The following KIF1B variants were observed in gnomAD, a reference collection of about 807,000 sequenced individuals.
KIF1B encodes kinesin-like protein KIF1B.
In KIF1B, 76 loss-of-function variants were observed where a neutral mutation model predicts 241.9. The ratio of observed to expected loss-of-function variants is 0.31; its 90% CI spans 0.26 to 0.38. KIF1B has a LOEUF of 0.38. Ranked by LOEUF, KIF1B falls within the 10% of genes least tolerant of loss-of-function variation. The probability of loss-of-function intolerance (pLI) is 1.00; values close to 1 mark genes in which losing one functional copy is unlikely to be tolerated. For synonymous variants in KIF1B, 750 were observed against 796.7 expected (o/e 0.94, Z 0.99); for missense variants, 1,622 against 2,271.4 (o/e 0.71, Z 5.81).
At chr1:10,262,668 T>G (rs1392852826) in intron 5 of KIF1B, among the ~76,000 whole-genome samples, 2 of 152,220 alleles carry the variant, frequency 1.3e-5, no homozygotes, top group Non-Finnish European at 2.9e-5. Flanking sequence ...AATGTAAGTA[T>G]TCTCTTACTT....
intron 38 of KIF1B, among the ~76,000 whole-genome samples, chr1:10,359,134 G>GTGT (rs139728507): frequency 0.029 from 4,390 of 152,304 alleles, 63 homozygotes; most frequent in African/African-American, 0.038. Flanking sequence ...TTTCAGAAAT[G>GTGT]TGTTCTCTCT....
At chr1:10,320,783 A>T (rs191025570) in intron 23 of KIF1B, among the ~76,000 whole-genome samples, 1 of 148,242 alleles carries the variant, frequency 6.7e-6, no homozygotes, top group Non-Finnish European at 1.5e-5. Context: ...CTGGAGTGCA[A>T]TGGTGCAGTC....
At position 10,337,582 on chromosome 1, in the gene KIF1B, A is replaced by G. The variant is rs764687589; in HGVS notation, c.3422+49A>G. ...TCCCAGCTAGCTGCTAACCGAGGTG[A>G]CATCTCTTGTGCACTGTAGAGTGCT... On this transcript the variant is annotated intron_variant, in intron 31 of 48. Transcript: ENST00000676179. This position sits in a 1 kb window ranked among gnomAD's most constrained non-coding sequence, Gnocchi z 4.0. 2.5e-6 allele frequency: 4 copies of G among 1,603,970 alleles called. No individual in the cohort carries two copies. The highest frequency in any genetic ancestry group is 1.1e-5 in the South Asian group (1 of 90,840).
Position 10,379,152 on chromosome 1 carries a change from C to T in KIF1B, c.*2565C>T. On this transcript the variant is annotated 3_prime_UTR_variant, in exon 49 of 49. Coordinates refer to ENST00000676179, the MANE Select transcript of KIF1B (RefSeq NM_001365951.3). ...TTGATGCTGCTGTTACAGAGTGTGA[C>T]AGAGGATCCATGTCTGTGACACAGG... 1 of 232,274 alleles carries T rather than the reference C, an allele frequency of 4.3e-6. No homozygotes were observed. The highest frequency in any genetic ancestry group is 6.1e-5 in the East Asian group (1 of 16,412). The allele number at this position is 232,274 out of a possible 1,614,324, so 14.4% of individuals were successfully genotyped here.
At chr1:10,259,691 C>T (rs746899111) in intron 4 of KIF1B, among the ~76,000 whole-genome samples, 75 of 151,712 alleles carry the variant, frequency 4.9e-4, no homozygotes, top group Admixed American at 1.7e-3. Context: ...TTAGTAGAGG[C>T]GGGGTTTCAC....
At position 10,306,132 on chromosome 1, in the gene KIF1B, T is replaced by C. The variant is rs975233616; in HGVS notation, c.2115+8886T>C. ...CTCTAAGAAAATACTTTCTTAATGCTCAGAAAGTTGCTTCCAATTAATGTT... is the reference window on the plus strand; with the variant it reads ...CTCTAAGAAAATACTTTCTTAATGCCCAGAAAGTTGCTTCCAATTAATGTT... On this transcript the variant is annotated intron_variant, in intron 22 of 48. Transcript: ENST00000676179. The C allele has an allele frequency of 3.8e-6, 4 of 1,040,780 alleles. No homozygotes were observed. In the African/African-American group the frequency reaches 6.7e-5, roughly 17 times the overall value. The allele number at this position is 1,040,780 out of a possible 1,614,324, so 64.5% of individuals were successfully genotyped here. A position where few individuals can be genotyped will look rare whatever the true frequency, so the allele number is the denominator to read the frequency against.
At chr1:10,239,919 C>A (rs1261030405) in intron 2 of KIF1B, among the ~76,000 whole-genome samples, 2 of 152,144 alleles carry the variant, frequency 1.3e-5, no homozygotes, top group Non-Finnish European at 2.9e-5. Context: ...GCACCCGCCA[C>A]CATGCCTGGC....
At chr1:10,349,623 GTT>G (rs78332979) in intron 37 of KIF1B, among the ~76,000 whole-genome samples, 4 of 143,056 alleles carry the variant, frequency 2.8e-5, no homozygotes, top group African/African-American at 5.1e-5. Flanking sequence ...AAATTAGAGG[GTT>G]TTTTTTTTTT....
At chr1:10,299,002 C>G (rs1046819525) in intron 22 of KIF1B, 1 of 146,618 alleles carries the variant, frequency 6.8e-6, no homozygotes. Flanking sequence ...AAAATTGGAA[C>G]GATACAGAGA....
At chr1:10,320,402 G>A (rs1258009098) in intron 23 of KIF1B, among the ~76,000 whole-genome samples, 1 of 152,168 alleles carries the variant, frequency 6.6e-6, no homozygotes, top group Non-Finnish European at 1.5e-5. Flanking sequence ...TTAGGAAGTT[G>A]ACCTGCACTG....
At chr1:10,306,485 C>T (rs1215993872) in intron 22 of KIF1B, 4 of 920,294 alleles carry the variant, frequency 4.3e-6, no homozygotes, top group Non-Finnish European at 5.3e-6. Context: ...GTGGCACATG[C>T]GTACAGCCCC....
chr1:10,242,839 C>G (rs1203838661), intron 2 of KIF1B, among the ~76,000 whole-genome samples: 1 of 152,060 alleles, frequency 6.6e-6, no homozygotes, highest in Non-Finnish European at 1.5e-5. Flanking sequence ...TATGGGACCA[C>G]TCATATATGT....
intron 41 of KIF1B, among the ~76,000 whole-genome samples, chr1:10,363,748 T>C (rs1374834338): frequency 6.6e-6 from 1 of 152,208 alleles, no homozygotes; most frequent in African/African-American, 2.4e-5. Flanking sequence ...TCTGTATTCT[T>C]TTTAATGTGT....
chr1:10,280,383 G>A (rs1249161694), intron 14 of KIF1B, among the ~76,000 whole-genome samples: 2 of 151,926 alleles, frequency 1.3e-5, no homozygotes, highest in African/African-American at 2.4e-5. Flanking sequence ...CTATAGGTGC[G>A]CACCACCACG....
In KIF1B at chr1:10,292,136, C is replaced by T. The variant is rs1260770317; in HGVS notation, c.1590+14C>T. On this transcript the variant is annotated intron_variant, in intron 17 of 48. Transcript: ENST00000676179. ...TCACCTAAAAAGGTAGGAAACAATG[C>T]TGTGAAACCTAATCAGACAGAGACA... The T allele has an allele frequency of 6.2e-7, 1 of 1,604,090 alleles. No individual in the cohort carries two copies. Among genetic ancestry groups the T allele is most frequent in the Non-Finnish European group, 8.5e-7 (1 of 1,171,092 alleles).
intron 1 of KIF1B, among the ~76,000 whole-genome samples, chr1:10,229,022 T>A (rs991601024): frequency 6.6e-5 from 10 of 152,174 alleles, no homozygotes; most frequent in Non-Finnish European, 1.5e-5. Flanking sequence ...AGAGTTAAGA[T>A]GATGGCTGTA....
Position 10,303,122 on chromosome 1 carries a change from T to G in KIF1B, c.2115+5876T>G. The G allele has an allele frequency of 6.3e-7, 1 of 1,588,686 alleles. No individual in the cohort carries two copies. Among genetic ancestry groups the G allele is most frequent in the Non-Finnish European group, 8.5e-7 (1 of 1,170,746 alleles). On this transcript the variant is annotated intron_variant, in intron 22 of 48. Transcript: ENST00000676179. This position sits in a 1 kb window ranked among gnomAD's most constrained non-coding sequence, Gnocchi z 5.2. Reference sequence around the variant, plus strand: ...ATTTTCCTTTTTTACATTTTAATTTTGGTTATTTTGGGGCCATTTTTTGAT... The same window carrying G: ...ATTTTCCTTTTTTACATTTTAATTTGGGTTATTTTGGGGCCATTTTTTGAT...
At chr1:10,373,099 G>A (rs1027888293) in intron 45 of KIF1B, among the ~76,000 whole-genome samples, 10 of 151,918 alleles carry the variant, frequency 6.6e-5, no homozygotes, top group Admixed American at 5.9e-4. Context: ...ACAGGCGTGA[G>A]CCACTGCACC....
At chr1:10,273,086 T>G in intron 10 of KIF1B, 55 bp downstream of exon 10, 1 of 1,334,692 alleles carries the variant, frequency 7.5e-7, no homozygotes, top group East Asian at 2.5e-5. Context: ...TTTTAAATCC[T>G]CACTAGGATG....
Sources: allele counts gnomAD v4.1 joint callset (sites outside exome capture counted in the v4.1 genomes callset), GRCh38; gene constraint gnomAD v4.1.1; non-coding constraint Gnocchi (gnomAD v3.1); transcripts MANE v1.5; gene names NCBI Gene and HGNC (gene_info 2026-07-23, HGNC 2026-07-21).